FCN2: variants seen among roughly 807,000 people sequenced by gnomAD.
FCN2 encodes the protein ficolin 2.
Under a neutral mutation model 32.5 loss-of-function variants are expected in FCN2, and 31 were observed. The ratio of observed to expected loss-of-function variants is 0.96; its 90% CI spans 0.72 to 1.29. The LOEUF (loss-of-function observed/expected upper bound fraction) is 1.29. Among genes scored for constraint, FCN2 ranks in the 50% most tolerant of loss-of-function variants. The pLI is 0.00. For synonymous variants in FCN2, 181 were observed against 164.5 expected (o/e 1.10, Z -0.77); for missense variants, 412 against 406.5 (o/e 1.01, Z -0.12).
At chr9:134,871,997 T>C in the FCN2 span, among the ~76,000 whole-genome samples, 1 of 144,862 alleles carries the variant, frequency 6.9e-6, no homozygotes, top group Non-Finnish European at 1.5e-5. Context: ...TCTGTCACTA[T>C]AGCTTATTTT....
the FCN2 span, among the ~76,000 whole-genome samples, chr9:134,872,616 G>C: frequency 6.6e-6 from 1 of 152,104 alleles, no homozygotes; most frequent in African/African-American, 2.4e-5. Flanking sequence ...GTCACGTCTC[G>C]CCGGGCAGCA....
upstream of FCN2, among the ~76,000 whole-genome samples, chr9:134,877,414 G>A (rs1830613314): frequency 6.6e-6 from 1 of 152,106 alleles, no homozygotes; most frequent in Admixed American, 6.5e-5. Flanking sequence ...TTAGAAGAAT[G>A]TTATTTAGTA....
At chr9:134,880,616 G>T (rs1830648132), upstream of FCN2, among the ~76,000 whole-genome samples, 2 of 152,150 alleles carry the variant, frequency 1.3e-5, no homozygotes, top group Admixed American at 6.5e-5. Context: ...CCGTCCCCCT[G>T]CAGGGATGAC....
chr9:134,881,932 G>T (rs79435897), intron 1 of FCN2, among the ~76,000 whole-genome samples: 1 of 152,088 alleles, frequency 6.6e-6, no homozygotes, highest in Non-Finnish European at 1.5e-5. Context: ...CTCTAGTTTC[G>T]CACCAACTTG....
chr9:134,884,791 A>G lies in FCN2; in HGVS notation c.301+19A>G. ...CTGACAGGTGACTGACCACCCCCACACTCCTCCCACGGCTTGTGGCTGCCC... is the reference window on the plus strand; with the variant it reads ...CTGACAGGTGACTGACCACCCCCACGCTCCTCCCACGGCTTGTGGCTGCCC... On this transcript the variant is annotated intron_variant, in intron 4 of 7. Transcript: ENST00000291744. 2 of 1,612,076 alleles carry G rather than the reference A, an allele frequency of 1.2e-6. No individual in the cohort carries two copies. Among genetic ancestry groups the G allele is most frequent in the Non-Finnish European group, 1.7e-6 (2 of 1,178,996 alleles).
intron 4 of FCN2, 115 bp downstream of exon 4, chr9:134,884,887 G>A: frequency 1.0e-6 from 1 of 987,124 alleles, no homozygotes; most frequent in Non-Finnish European, 1.6e-6. Flanking sequence ...GAAGAAAATG[G>A]TTGCTTGCCC....
chr9:134,885,080 G>T (rs575840045), intron 4 of FCN2, among the ~76,000 whole-genome samples, 159 bp from the exon 5 acceptor site: 1 of 152,328 alleles, frequency 6.6e-6, no homozygotes, highest in East Asian at 1.9e-4. Flanking sequence ...CATCACAGCT[G>T]CGTGGCCCTG....
the FCN2 span, among the ~76,000 whole-genome samples, chr9:134,868,947 A>G: frequency 6.6e-6 from 1 of 152,194 alleles, no homozygotes; most frequent in African/African-American, 2.4e-5. The surrounding 1 kb of genome is among the most constrained non-coding windows in gnomAD (Gnocchi z 4.3). Context: ...CATGGCTTCC[A>G]TATTGTCTCT....
chr9:134,882,598 C>T lies in FCN2; in HGVS notation c.173C>T (p.Ala58Val), dbSNP rs200387049. 12 of 1,613,956 alleles carry T rather than the reference C, an allele frequency of 7.4e-6. No homozygotes were observed. In the African/African-American group the frequency reaches 1.5e-4, roughly 20 times the overall value. Residue 58 changes from alanine to valine, a missense_variant, in exon 2 of 8, where the codon GCC becomes GTC. Transcript: ENST00000291744. ...CGAGGCTGTCCGGGGCTGCCTGGGG[C>T]CCCTGGGCCCAAGGGAGAGGCAGGC... is the stretch of plus-strand genomic sequence containing the variant. ...ILRGCPGLPG[A>V]PGPKGEAGTN...
intron 3 of FCN2, 102 bp downstream of exon 3, chr9:134,883,457 C>T: frequency 9.4e-7 from 1 of 1,066,752 alleles, no homozygotes; most frequent in East Asian, 2.4e-5. Flanking sequence ...CTGTCCTCGC[C>T]AGAGCCAACG....
upstream of FCN2, among the ~76,000 whole-genome samples, chr9:134,876,681 C>A (rs1441234773): frequency 1.3e-5 from 2 of 152,204 alleles, no homozygotes; most frequent in Non-Finnish European, 2.9e-5. Context: ...TGGGTTCAAG[C>A]AATTCTCCTG....
chr9:134,868,493 A>T, the FCN2 span: 1 of 161,154 alleles, frequency 6.2e-6, no homozygotes, highest in Non-Finnish European at 1.4e-5. The surrounding 1 kb of genome is among the most constrained non-coding windows in gnomAD (Gnocchi z 4.3). Flanking sequence ...CTGAGGTCAG[A>T]GGTTCTCTCC....
Position 134,885,915 on chromosome 9 carries a change from G to T in FCN2, c.559+18G>T, listed in dbSNP as rs1472261515. The T allele has an allele frequency of 1.1e-5, 17 of 1,602,104 alleles. No individual in the cohort carries two copies. Among genetic ancestry groups the T allele is most frequent in the Admixed American group, 1.7e-5 (1 of 58,994 alleles). The stretch of plus-strand genomic sequence containing the variant: ...CGCCCAGGGTAGGGCCGCTGCTGGG[G>T]CTTGGGGGTCGGGGGCCCTGAATGG... On this transcript the variant is annotated intron_variant, in intron 6 of 7. Transcript: ENST00000291744.
chr9:134,880,572 C>T (rs1348317763), upstream of FCN2, among the ~76,000 whole-genome samples: 1 of 152,090 alleles, frequency 6.6e-6, no homozygotes, highest in African/African-American at 2.4e-5. Flanking sequence ...TTGCCCAAGG[C>T]CACAAGCAAG....
the FCN2 span, among the ~76,000 whole-genome samples, chr9:134,872,729 G>A: frequency 6.6e-6 from 1 of 152,120 alleles, no homozygotes; most frequent in Non-Finnish European, 1.5e-5. Flanking sequence ...ACCCGCCCTC[G>A]TGATTCAGTT....
the FCN2 span, among the ~76,000 whole-genome samples, chr9:134,874,955 A>G: frequency 4.6e-5 from 7 of 152,224 alleles, no homozygotes; most frequent in African/African-American, 7.2e-5. Flanking sequence ...TATATTTTCA[A>G]TGCTATGGTA....
upstream of FCN2, among the ~76,000 whole-genome samples, chr9:134,879,444 C>T (rs1830633628): frequency 1.3e-5 from 2 of 152,100 alleles, no homozygotes; most frequent in South Asian, 4.1e-4. Context: ...CCTAAGGACT[C>T]GGAATTTTGG....
At chr9:134,872,771 G>A in the FCN2 span, among the ~76,000 whole-genome samples, 1 of 152,150 alleles carries the variant, frequency 6.6e-6, no homozygotes, top group Non-Finnish European at 1.5e-5. Context: ...ATGACACATG[G>A]GAATTATGGG....
chr9:134,882,034 G>A (rs934846520), intron 1 of FCN2, among the ~76,000 whole-genome samples: 5 of 152,204 alleles, frequency 3.3e-5, no homozygotes, highest in Non-Finnish European at 5.9e-5. Context: ...AAGATCAGGC[G>A]TGGGAGTTGC....
Sources: gnomAD v4.1 joint callset for allele counts (sites outside exome capture counted in the v4.1 genomes callset) on GRCh38, gnomAD v4.1.1 for gene constraint, Gnocchi (gnomAD v3.1) non-coding constraint, MANE v1.5 for transcripts, NCBI Gene and HGNC (gene_info 2026-07-23, HGNC 2026-07-21) for gene names.